MSTO1: variants seen among roughly 807,000 people sequenced by gnomAD.
The protein encoded by MSTO1 is misato mitochondrial distribution and morphology regulator 1.
MSTO1 carries 24 observed loss-of-function variants against 55.7 expected under a neutral mutation model. The observed-to-expected ratio is 0.43, with a 90% CI of 0.31 to 0.61. The LOEUF (loss-of-function observed/expected upper bound fraction) is 0.61. MSTO1 is among the 20% of genes least tolerant of loss of function. The probability of loss-of-function intolerance (pLI) is 0.09; values close to 1 mark genes in which losing one functional copy is unlikely to be tolerated. For synonymous variants in MSTO1, 162 were observed against 252.8 expected (o/e 0.64, Z 3.41); for missense variants, 363 against 625.7 (o/e 0.58, Z 4.48).
the MSTO1 span, among the ~76,000 whole-genome samples, chr1:155,576,461 G>C: frequency 1.3e-5 from 2 of 151,642 alleles, no homozygotes; most frequent in African/African-American, 4.8e-5. Context: ...TGAGTAGCTG[G>C]GACTACAGGT....
chr1:155,563,696 A>G, the MSTO1 span: 1 of 382,948 alleles, frequency 2.6e-6, no homozygotes, highest in Non-Finnish European at 5.2e-6. Flanking sequence ...TTCTTCCTTC[A>G]GCAAGTTATT....
chr1:155,571,335 C>G, the MSTO1 span, among the ~76,000 whole-genome samples: 82 of 152,142 alleles, frequency 5.4e-4, 1 homozygote, highest in Admixed American at 5.4e-3. Flanking sequence ...GTTGTTGTTG[C>G]TATTTTAGCT....
the MSTO1 span, among the ~76,000 whole-genome samples, chr1:155,572,436 C>T: frequency 5.9e-5 from 9 of 151,746 alleles, no homozygotes; most frequent in Non-Finnish European, 1.3e-4. Flanking sequence ...CTGGAATGGC[C>T]GGGTGCGGTG....
At chr1:155,613,281 A>G (rs753685751) in intron 11 of MSTO1, 48 bp downstream of exon 11, 25 of 1,594,806 alleles carry the variant, frequency 1.6e-5, no homozygotes, top group Non-Finnish European at 2.1e-5. Context: ...TTTGTCTCAT[A>G]TCCATCTTCC....
chr1:155,614,486 C>G lies in MSTO1; in HGVS notation c.*213C>G, dbSNP rs562653784. The G allele has an allele frequency of 2.0e-5, 13 of 647,658 alleles. No homozygotes were observed. The highest frequency in any genetic ancestry group is 2.4e-5 in the Non-Finnish European group (9 of 369,564). The allele number at this position is 647,658 out of a possible 1,614,324, so 40.1% of individuals were successfully genotyped here. The stretch of plus-strand genomic sequence containing the variant: ...AGAGAAAGGAGCTGAACTCCACTCT[C>G]GATGCTACTTACAGAGGACATCTGT... On this transcript the variant is annotated 3_prime_UTR_variant, in exon 14 of 14. Transcript: ENST00000245564.
chr1:155,576,068 T>TCA, the MSTO1 span, among the ~76,000 whole-genome samples: 5 of 151,916 alleles, frequency 3.3e-5, no homozygotes, highest in Non-Finnish European at 7.4e-5. Context: ...GTGATCCGCC[T>TCA]GCTTCGGCCT....
the MSTO1 span, chr1:155,590,498 TAGA>T: frequency 7.3e-6 from 4 of 548,014 alleles, no homozygotes; most frequent in Non-Finnish European, 9.4e-6. Context: ...AAAAGAAAAA[TAGA>T]AGGAGGCAGA....
the MSTO1 span, chr1:155,586,586 C>G: frequency 2.4e-6 from 1 of 413,370 alleles, no homozygotes; most frequent in Non-Finnish European, 4.7e-6. Flanking sequence ...AATCCATTGT[C>G]AGTTTCCCAT....
chr1:155,567,985 C>T, the MSTO1 span, among the ~76,000 whole-genome samples: 11 of 151,418 alleles, frequency 7.3e-5, no homozygotes, highest in South Asian at 6.3e-4. Flanking sequence ...TTGCAGTGAG[C>T]GGAGATTGCA....
chr1:155,589,629 C>A, the MSTO1 span, among the ~76,000 whole-genome samples: 4 of 152,098 alleles, frequency 2.6e-5, no homozygotes. Flanking sequence ...GGCCTGAGAG[C>A]CCCTGGCAAA....
chr1:155,598,833 G>A, the MSTO1 span: 10 of 1,376,812 alleles, frequency 7.3e-6, no homozygotes, highest in African/African-American at 4.3e-5. Context: ...ATGGAGAGAA[G>A]GGAACCGGAA....
At chr1:155,591,057 T>G in the MSTO1 span, 4 of 1,613,786 alleles carry the variant, frequency 2.5e-6, no homozygotes, top group Non-Finnish European at 3.4e-6. Context: ...GCGCCAGCAG[T>G]GAGTCGTACA....
chr1:155,602,087 A>G, the MSTO1 span: 1 of 690,854 alleles, frequency 1.4e-6, no homozygotes, highest in East Asian at 2.9e-5. Flanking sequence ...TCTTTGGGTG[A>G]AAAATTGCCG....
At chr1:155,596,915 C>A in the MSTO1 span, among the ~76,000 whole-genome samples, 2 of 152,102 alleles carry the variant, frequency 1.3e-5, no homozygotes, top group Non-Finnish European at 2.9e-5. Flanking sequence ...CCAACCTGGG[C>A]AACATAGCAA....
chr1:155,614,099 T>C lies in MSTO1; in HGVS notation c.1539T>C (p.Ser513=). 2 of 1,492,832 alleles carry C rather than the reference T, an allele frequency of 1.3e-6. No homozygotes were observed. The highest frequency in any genetic ancestry group is 2.7e-5 in the South Asian group (2 of 74,804). 92.5% of individuals were successfully genotyped at this position (1,492,832 alleles called of 1,614,324 possible). A position where few individuals can be genotyped will look rare whatever the true frequency, so the allele number is the denominator to read the frequency against. Residue 513 remains serine, a synonymous_variant, in exon 14 of 14, where the codon TCT becomes TCC. Coordinates refer to ENST00000245564, the MANE Select transcript of MSTO1 (RefSeq NM_018116.4). The part of the protein sequence containing the change: ...SIPVFGALCS[S]SSLHQTLEAL... ...CAGTGTTTGGGGCACTGTGTTCCTC[T>C]TCGTCCCTGCACCAGACCCTGGAAG... is the stretch of plus-strand genomic sequence containing the variant.
At chr1:155,589,533 C>T in the MSTO1 span, among the ~76,000 whole-genome samples, 1 of 152,028 alleles carries the variant, frequency 6.6e-6, no homozygotes, top group Non-Finnish European at 1.5e-5. Flanking sequence ...AGGCCGTGAG[C>T]AAGCTGAGGA....
the MSTO1 span, among the ~76,000 whole-genome samples, chr1:155,575,869 C>G: frequency 6.6e-6 from 1 of 151,398 alleles, no homozygotes; most frequent in Non-Finnish European, 1.5e-5. Flanking sequence ...GTTGCCCAGG[C>G]TGCAGTGCAA....
chr1:155,613,942 C>T (rs1675063450), intron 13 of MSTO1, 117 bp from the exon 14 acceptor site: 16 of 1,255,376 alleles, frequency 1.3e-5, no homozygotes, highest in Non-Finnish European at 1.8e-5. Context: ...GACAATACAC[C>T]AAATTTGTTG....
At chr1:155,600,556 C>CTTTCTTTTTTTTTTTT in the MSTO1 span, among the ~76,000 whole-genome samples, 2 of 149,892 alleles carry the variant, frequency 1.3e-5, no homozygotes, top group African/African-American at 5.0e-5. Flanking sequence ...TTTTTTCTTT[C>CTTTCTTTTTTTTTTTT]TTTTTTTTTG....
Sources: allele counts gnomAD v4.1 joint callset (sites outside exome capture counted in the v4.1 genomes callset), GRCh38; gene constraint gnomAD v4.1.1; transcripts MANE v1.5; gene names NCBI Gene and HGNC (gene_info 2026-07-23, HGNC 2026-07-21).